FHIP1A: variants seen among roughly 807,000 people sequenced by gnomAD.
FHIP1A encodes the protein FHF complex subunit HOOK interacting protein 1A, also known as FHF complex subunit HOOK-interacting protein 1A.
Under a neutral mutation model 88.6 loss-of-function variants are expected in FHIP1A, and 61 were observed. That is an observed-to-expected ratio of 0.69 (90% CI 0.56 to 0.85). The LOEUF (loss-of-function observed/expected upper bound fraction) is 0.85, where lower values mean the gene tolerates loss of function less well. FHIP1A is among the 40% of genes least tolerant of loss of function. FHIP1A has a pLI of 0.00. For missense variants in FHIP1A, 1,154 were observed against 1,273.5 expected, an observed-to-expected ratio of 0.91 and a Z score of 1.43; for synonymous variants, 478 against 496.0, an observed-to-expected ratio of 0.96 and a Z score of 0.48.
At chr4:151,599,466 G>C (rs1376615882) in intron 7 of FHIP1A, among the ~76,000 whole-genome samples, 1 of 152,152 alleles carries the variant, frequency 6.6e-6, no homozygotes, top group East Asian at 1.9e-4. Context: ...CAAGATGGGG[G>C]AAGGCTGGGA....
chr4:151,551,991 AC>A (rs1388282290), intron 3 of FHIP1A, among the ~76,000 whole-genome samples: 1 of 152,236 alleles, frequency 6.6e-6, no homozygotes, highest in East Asian at 1.9e-4. Flanking sequence ...CAAGAAAAAA[AC>A]AACCCCATCA....
Position 151,438,448 on chromosome 4 carries a change from A to G in FHIP1A, c.-355-16253A>G, listed in dbSNP as rs1728285716. On this transcript the variant is annotated intron_variant, in intron 1 of 13. Coordinates refer to ENST00000435205, the MANE Select transcript of FHIP1A (RefSeq NM_001109977.3). Reference sequence around the variant, plus strand: ...CCAGAAAAAGGATTTAATTCTTTTCATTGTATTTCTCTCTCCCTTTCCCTC... The same window carrying G: ...CCAGAAAAAGGATTTAATTCTTTTCGTTGTATTTCTCTCTCCCTTTCCCTC... Among the ~76,000 whole-genome samples, 4 of 152,170 alleles carry G rather than the reference A, an allele frequency of 2.6e-5. No individual in the cohort carries two copies. In the South Asian group the frequency reaches 8.3e-4, roughly 32 times the overall value.
At chr4:151,526,963 G>A (rs1207159584) in intron 3 of FHIP1A, among the ~76,000 whole-genome samples, 1 of 151,608 alleles carries the variant, frequency 6.6e-6, no homozygotes, top group Non-Finnish European at 1.5e-5. Flanking sequence ...TCCCAGATGG[G>A]ATGGCGGCTG....
intron 3 of FHIP1A, among the ~76,000 whole-genome samples, chr4:151,500,848 T>G (rs1730625286): frequency 6.6e-6 from 1 of 152,164 alleles, no homozygotes; most frequent in African/African-American, 2.4e-5. Context: ...GGTGTTAAAT[T>G]ATATATTTTT....
At chr4:151,475,815 CTGTT>C (rs1203230355) in intron 2 of FHIP1A, among the ~76,000 whole-genome samples, 1 of 150,840 alleles carries the variant, frequency 6.6e-6, no homozygotes, top group East Asian at 1.9e-4. Context: ...AAAAAGTCAT[CTGTT>C]TTTTTTTATA....
At chr4:151,607,961 A>G (rs1018951611) in intron 7 of FHIP1A, among the ~76,000 whole-genome samples, 4 of 148,278 alleles carry the variant, frequency 2.7e-5, no homozygotes, top group African/African-American at 1.0e-4. Context: ...GCTCCTTAAC[A>G]TACTTTTACA....
chr4:151,491,622 A>G (rs1730285895), intron 3 of FHIP1A, among the ~76,000 whole-genome samples: 2 of 152,184 alleles, frequency 1.3e-5, no homozygotes, highest in Non-Finnish European at 1.5e-5. Context: ...TAGCATGATG[A>G]ATAGAGCAGT....
chr4:151,505,370 T>G (rs1730796058), intron 3 of FHIP1A, among the ~76,000 whole-genome samples: 1 of 151,628 alleles, frequency 6.6e-6, no homozygotes, highest in Non-Finnish European at 1.5e-5. Context: ...AAGAAAGGAG[T>G]CCCCAAATGG....
In FHIP1A at chr4:151,491,308, A is replaced by G. The variant is rs145704747; in HGVS notation, c.-123+8660A>G. 0.021 allele frequency among the ~76,000 whole-genome samples: 3,128 copies of G among 152,318 alleles called. 187 individuals carry two copies. In the East Asian group the frequency reaches 0.24, roughly 12 times the overall value. ...CAGCAGATTTCTCAGCAGAAACCCT[A>G]CAAGCCAGAAGGGATTGGGGTCCTA... On this transcript the variant is annotated intron_variant, in intron 3 of 13. Coordinates refer to ENST00000435205, the MANE Select transcript of FHIP1A (RefSeq NM_001109977.3).
intron 5 of FHIP1A, among the ~76,000 whole-genome samples, chr4:151,582,684 AAAATAAGTGC>A: frequency 6.6e-6 from 1 of 152,318 alleles, no homozygotes; most frequent in East Asian, 1.9e-4. Flanking sequence ...AAATAAGTGA[AAAATAAGTGC>A]AAATAAGTGA....
In FHIP1A at chr4:151,662,733, C is replaced by CT. The variant is rs1377494764; in HGVS notation, c.3105dup (p.Glu1036Ter). On this transcript the variant is annotated frameshift_variant, in exon 14 of 14. Transcript: ENST00000435205. LOFTEE classifies it high-confidence loss of function. ...TTCTGTGCTACAAGATCTTGGGTGA[C>CT]TTTGAGGACTCCTGCTGTTAGCTTT... The CT allele has an allele frequency of 6.6e-7, 1 of 1,504,488 alleles. No homozygotes were observed. The highest frequency in any genetic ancestry group is 8.9e-7 in the Non-Finnish European group (1 of 1,125,104). The allele number at this position is 1,504,488 out of a possible 1,614,324, so 93.2% of individuals were successfully genotyped here. A position where few individuals can be genotyped will look rare whatever the true frequency, so the allele number is the denominator to read the frequency against.
intron 3 of FHIP1A, among the ~76,000 whole-genome samples, chr4:151,533,797 G>A (rs563702272): frequency 1.3e-5 from 2 of 152,302 alleles, no homozygotes; most frequent in South Asian, 4.1e-4. Context: ...TGTACTTTCA[G>A]CAGTGGATTA....
At chr4:151,483,648 A>G (rs1221869406) in intron 3 of FHIP1A, among the ~76,000 whole-genome samples, 1 of 152,130 alleles carries the variant, frequency 6.6e-6, no homozygotes, top group Non-Finnish European at 1.5e-5. Flanking sequence ...AGGATCCAAA[A>G]TTATAGCTAG....
chr4:151,605,562 T>G (rs1735040830), intron 7 of FHIP1A, among the ~76,000 whole-genome samples: 3 of 152,178 alleles, frequency 2.0e-5, no homozygotes, highest in South Asian at 4.1e-4. Flanking sequence ...GAAAAACTGA[T>G]TTTTCCACCA....
At chr4:151,521,324 A>G (rs1731435070) in intron 3 of FHIP1A, among the ~76,000 whole-genome samples, 1 of 152,172 alleles carries the variant, frequency 6.6e-6, no homozygotes, top group African/African-American at 2.4e-5. Context: ...TTGGATGAAT[A>G]TTTAATAATT....
At chr4:151,561,854 C>G (rs1042282190) in intron 3 of FHIP1A, among the ~76,000 whole-genome samples, 1 of 152,100 alleles carries the variant, frequency 6.6e-6, no homozygotes, top group Non-Finnish European at 1.5e-5. Flanking sequence ...AGAATCCCAT[C>G]TGCAACTAGA....
At chr4:151,618,996 A>G (rs543122442) in intron 7 of FHIP1A, among the ~76,000 whole-genome samples, 25 of 152,304 alleles carry the variant, frequency 1.6e-4, no homozygotes, top group African/African-American at 5.5e-4. Context: ...TGAACCCCAG[A>G]TTGGAGAAAG....
At chr4:151,414,752 T>C (rs1732819271) in intron 1 of FHIP1A, among the ~76,000 whole-genome samples, 1 of 152,226 alleles carries the variant, frequency 6.6e-6, no homozygotes, top group Non-Finnish European at 1.5e-5. Context: ...AGAGCTATTA[T>C]AAAAAGTTAA....
intron 3 of FHIP1A, among the ~76,000 whole-genome samples, chr4:151,552,336 A>G (rs572583246): frequency 6.6e-6 from 1 of 152,354 alleles, no homozygotes; most frequent in African/African-American, 2.4e-5. Context: ...GAATATACCC[A>G]AAGTATTATA....
Sources: gnomAD v4.1 joint callset for allele counts (sites outside exome capture counted in the v4.1 genomes callset) on GRCh38, gnomAD v4.1.1 for gene constraint, MANE v1.5 for transcripts, NCBI Gene and HGNC (gene_info 2026-07-23, HGNC 2026-07-21) for gene names.